Variants in GNAO1 observed in about 807,000 individuals in gnomAD.
GNAO1 encodes guanine nucleotide-binding protein G(o) subunit alpha.
For missense variants in GNAO1, 166 were observed against 478.7 expected (o/e 0.35, Z 6.10); for synonymous variants, 164 against 180.7 (o/e 0.91, Z 0.74).
intron 2 of GNAO1, chr16:56,235,039 T>C: frequency 3.2e-6 from 1 of 313,078 alleles, no homozygotes; most frequent in Non-Finnish European, 6.3e-6. Flanking sequence ...AATAAGGTGC[T>C]GCGGCACTTG....
chr16:56,226,823 A>G (rs528797307), intron 2 of GNAO1, among the ~76,000 whole-genome samples: 1 of 152,356 alleles, frequency 6.6e-6, no homozygotes, highest in East Asian at 1.9e-4. Context: ...TACAATCAGT[A>G]AATGACAGAG....
chr16:56,237,032 A>G (rs2036644017), intron 2 of GNAO1, among the ~76,000 whole-genome samples: 1 of 152,244 alleles, frequency 6.6e-6, no homozygotes, highest in African/African-American at 2.4e-5. Context: ...AACTTAGGTC[A>G]TAAAATTTTT....
intron 2 of GNAO1, among the ~76,000 whole-genome samples, chr16:56,227,829 G>A (rs1359337356): frequency 3.3e-5 from 5 of 151,940 alleles, no homozygotes; most frequent in Middle Eastern, 3.4e-3. Flanking sequence ...AATGAGGCTC[G>A]GAGGCATGGT....
At chr16:56,211,597 C>T (rs1196199379) in intron 2 of GNAO1, among the ~76,000 whole-genome samples, 4 of 152,216 alleles carry the variant, frequency 2.6e-5, no homozygotes, top group African/African-American at 9.7e-5. Flanking sequence ...ATAGTTCCCT[C>T]CCAACCAAGG....
intron 5 of GNAO1, among the ~76,000 whole-genome samples, chr16:56,335,118 C>A (rs1293229197): frequency 2.0e-5 from 3 of 152,204 alleles, no homozygotes; most frequent in Non-Finnish European, 4.4e-5. Context: ...GGAGGGGCAG[C>A]CTGTCCCTGA....
At chr16:56,271,407 A>G (rs2037016812) in intron 2 of GNAO1, among the ~76,000 whole-genome samples, 1 of 152,258 alleles carries the variant, frequency 6.6e-6, no homozygotes, top group Admixed American at 6.5e-5. Context: ...TTATACTGCA[A>G]ATGAAAGAAA....
chr16:56,218,877 G>A (rs887607472), intron 2 of GNAO1, among the ~76,000 whole-genome samples: 6 of 152,128 alleles, frequency 3.9e-5, no homozygotes, highest in Non-Finnish European at 8.8e-5. Flanking sequence ...CCCATAGACC[G>A]CTGGTGTTTC....
intron 2 of GNAO1, among the ~76,000 whole-genome samples, chr16:56,272,300 G>A (rs184096954): frequency 1.1e-4 from 16 of 151,946 alleles, no homozygotes; most frequent in African/African-American, 2.9e-4. Flanking sequence ...CAGACAGAGC[G>A]AGACTCCATC....
intron 2 of GNAO1, among the ~76,000 whole-genome samples, chr16:56,268,634 A>T (rs1300138248): frequency 1.3e-5 from 2 of 152,308 alleles, no homozygotes; most frequent in East Asian, 1.9e-4. Flanking sequence ...AAGAAAGTTT[A>T]AAAAAATCAC....
At chr16:56,252,099 G>A (rs1284316504) in intron 2 of GNAO1, among the ~76,000 whole-genome samples, 2 of 152,360 alleles carry the variant, frequency 1.3e-5, no homozygotes, top group East Asian at 3.9e-4. Flanking sequence ...ACCAAGGAAG[G>A]TAGAGGGAAT....
intron 2 of GNAO1, among the ~76,000 whole-genome samples, chr16:56,208,612 G>C (rs1229708778): frequency 6.6e-6 from 1 of 152,116 alleles, no homozygotes; most frequent in East Asian, 1.9e-4. Context: ...AAGAATTTCT[G>C]TTATTATAAA....
chr16:56,243,738 T>C (rs1440093222), intron 2 of GNAO1, among the ~76,000 whole-genome samples: 1 of 152,216 alleles, frequency 6.6e-6, no homozygotes. Context: ...TGGTTGTACA[T>C]ATCTGTGACT....
intron 2 of GNAO1, among the ~76,000 whole-genome samples, chr16:56,237,675 A>G (rs1302595662): frequency 1.1e-4 from 16 of 152,240 alleles, no homozygotes; most frequent in Non-Finnish European, 1.0e-4. Context: ...GTTCACAATT[A>G]TGAATGGTTT....
chr16:56,338,688 C>G (rs1263954557), intron 6 of GNAO1, among the ~76,000 whole-genome samples: 2 of 152,208 alleles, frequency 1.3e-5, no homozygotes, highest in Non-Finnish European at 2.9e-5. Flanking sequence ...AAGTCCCAGG[C>G]CCACCGGCCA....
At position 56,269,945 on chromosome 16, in the gene GNAO1, T is replaced by C. The variant is rs533732187; in HGVS notation, c.162-5986T>C. ...GTTCTGTGACCATATAAGGCCAGCA[T>C]GCCTGGGGAGTCTCACTGCAGCTAA... On this transcript the variant is annotated intron_variant, in intron 2 of 8. Coordinates refer to ENST00000262493, the MANE Select transcript of GNAO1 (RefSeq NM_020988.3). 4.8e-4 allele frequency among the ~76,000 whole-genome samples: 73 copies of C among 152,278 alleles called. No homozygotes were observed. The South Asian group carries it at 5.8e-3, about 12-fold the overall frequency.
intron 2 of GNAO1, among the ~76,000 whole-genome samples, chr16:56,223,028 G>A (rs1357745803): frequency 6.6e-6 from 1 of 152,162 alleles, no homozygotes; most frequent in Admixed American, 6.5e-5. Context: ...GTTTCTTATT[G>A]TGGCTGTTTC....
At chr16:56,317,278 C>T (rs930737159) in intron 3 of GNAO1, among the ~76,000 whole-genome samples, 6 of 152,140 alleles carry the variant, frequency 3.9e-5, no homozygotes, top group African/African-American at 1.4e-4. Flanking sequence ...AGTCACAGAC[C>T]CCTGACACAG....
intron 2 of GNAO1, among the ~76,000 whole-genome samples, chr16:56,243,522 C>T (rs1024681317): frequency 2.6e-5 from 4 of 152,110 alleles, no homozygotes; most frequent in African/African-American, 4.8e-5. Flanking sequence ...TGAATACACA[C>T]GCCTCCAAAG....
intron 2 of GNAO1, among the ~76,000 whole-genome samples, chr16:56,228,902 T>C (rs2036560466): frequency 6.6e-6 from 1 of 152,244 alleles, no homozygotes; most frequent in African/African-American, 2.4e-5. Flanking sequence ...TAAAAGTTTA[T>C]TCATAGGTTT....
Sources: gnomAD v4.1 joint callset for allele counts (sites outside exome capture counted in the v4.1 genomes callset) on GRCh38, gnomAD v4.1.1 for gene constraint, MANE v1.5 for transcripts, NCBI Gene and HGNC (gene_info 2026-07-23, HGNC 2026-07-21) for gene names.